The following TTC27 variants were observed in gnomAD, a reference collection of about 807,000 sequenced individuals.
TTC27 encodes tetratricopeptide repeat protein 27.
TTC27 carries 79 observed loss-of-function variants against 115.9 expected under a neutral mutation model. That is an observed-to-expected ratio of 0.68 (90% CI 0.57 to 0.82). The LOEUF (loss-of-function observed/expected upper bound fraction) is 0.82. TTC27 is among the 40% of genes least tolerant of loss of function. The probability of loss-of-function intolerance (pLI) is 0.00; values close to 1 mark genes in which losing one functional copy is unlikely to be tolerated. For missense variants in TTC27, 1,054 were observed against 993.1 expected (o/e 1.06, Z -0.82); for synonymous variants, 401 against 356.0 (o/e 1.13, Z -1.42).
chr2:32,632,626 G>A (rs1218484858), intron 2 of TTC27, among the ~76,000 whole-genome samples: 4 of 151,442 alleles, frequency 2.6e-5, no homozygotes, highest in Non-Finnish European at 5.9e-5. Context: ...TATTTGCATT[G>A]CATCCAGAGT....
At chr2:32,731,111 T>C (rs1668278352) in intron 10 of TTC27, among the ~76,000 whole-genome samples, 1 of 152,074 alleles carries the variant, frequency 6.6e-6, no homozygotes, top group Non-Finnish European at 1.5e-5. Context: ...TCTTTGTTTT[T>C]TGAGACAGAG....
intron 13 of TTC27, among the ~76,000 whole-genome samples, chr2:32,763,994 A>G (rs1669535680): frequency 1.3e-5 from 2 of 152,178 alleles, no homozygotes; most frequent in African/African-American, 4.8e-5. Context: ...TTAACACTCT[A>G]CTTTTATGCA....
intron 19 of TTC27, among the ~76,000 whole-genome samples, chr2:32,818,835 A>T (rs376014018): frequency 6.6e-6 from 1 of 152,000 alleles, no homozygotes. Context: ...TGTTCTTATT[A>T]ATGGTTTGAT....
intron 18 of TTC27, among the ~76,000 whole-genome samples, chr2:32,815,732 C>A (rs991716524): frequency 6.6e-6 from 1 of 152,038 alleles, no homozygotes; most frequent in African/African-American, 2.4e-5. Flanking sequence ...GCTCAAATAC[C>A]GCTGCCATGG....
intron 12 of TTC27, among the ~76,000 whole-genome samples, chr2:32,740,453 C>CT (rs3834121): frequency 0.81 from 117,193 of 145,352 alleles, 47,238 homozygotes; most frequent in South Asian, 0.88. Context: ...GTTTTGGGGG[C>CT]TTTTTTTTTT....
At chr2:32,639,929 A>T (rs1219885596) in intron 3 of TTC27, among the ~76,000 whole-genome samples, 2 of 152,108 alleles carry the variant, frequency 1.3e-5, no homozygotes, top group Non-Finnish European at 2.9e-5. Flanking sequence ...AGCCCGGGAG[A>T]TGGAAGTTGC....
chr2:32,774,288 C>T (rs1331367122), intron 13 of TTC27, among the ~76,000 whole-genome samples: 1 of 149,622 alleles, frequency 6.7e-6, no homozygotes, highest in Non-Finnish European at 1.5e-5. Flanking sequence ...TCAAGTGATT[C>T]TCCCACCTCA....
intron 13 of TTC27, among the ~76,000 whole-genome samples, chr2:32,761,164 G>A (rs563245345): frequency 1.8e-4 from 28 of 152,074 alleles, no homozygotes; most frequent in African/African-American, 6.8e-4. Context: ...TTCCTCCCAA[G>A]CTTATCCTTA....
intron 16 of TTC27, among the ~76,000 whole-genome samples, chr2:32,789,727 C>T (rs143737528): frequency 0.02 from 2,970 of 151,826 alleles, 38 homozygotes; most frequent in Non-Finnish European, 0.03. Context: ...TGAGACCAGC[C>T]TGCACAACAT....
chr2:32,706,683 G>T (rs1444719539), intron 10 of TTC27, among the ~76,000 whole-genome samples: 1 of 151,980 alleles, frequency 6.6e-6, no homozygotes, highest in Non-Finnish European at 1.5e-5. Flanking sequence ...TCATGCCTCA[G>T]CCTCCTGAGT....
Position 32,628,388 on chromosome 2 carries a change from G to T in TTC27, c.88+8G>T. ...AGGGGGTCGTCGGTTCAGGTGAGAG[G>T]CGCACCTACCGGGCCTTAGGCTATC... On this transcript the variant is annotated splice_region_variant and intron_variant, in intron 1 of 19. Coordinates refer to ENST00000317907, the MANE Select transcript of TTC27 (RefSeq NM_017735.5). 1 of 1,583,546 alleles carries T rather than the reference G, an allele frequency of 6.3e-7. No individual in the cohort carries two copies.
intron 12 of TTC27, among the ~76,000 whole-genome samples, chr2:32,739,014 C>A (rs1042024102): frequency 6.6e-6 from 1 of 152,134 alleles, no homozygotes; most frequent in African/African-American, 2.4e-5. Flanking sequence ...TTTTTTCTTT[C>A]TTTAACAGAG....
chr2:32,690,627 G>T (rs879931360), intron 9 of TTC27, among the ~76,000 whole-genome samples: 2 of 152,158 alleles, frequency 1.3e-5, no homozygotes, highest in Non-Finnish European at 2.9e-5. Context: ...GCAAGGAGAC[G>T]GGAGAATGTA....
intron 16 of TTC27, among the ~76,000 whole-genome samples, chr2:32,788,684 A>G (rs1188147723): frequency 6.6e-6 from 1 of 152,100 alleles, no homozygotes; most frequent in Admixed American, 6.6e-5. Flanking sequence ...ATTAGTAACA[A>G]CTGGCTCACC....
intron 10 of TTC27, among the ~76,000 whole-genome samples, chr2:32,724,353 A>G (rs1668039258): frequency 6.6e-6 from 1 of 152,082 alleles, no homozygotes; most frequent in Admixed American, 6.5e-5. Flanking sequence ...CTGTGTTGAT[A>G]TTTGCATATT....
chr2:32,766,520 G>A (rs775184762), intron 13 of TTC27: 5 of 450,702 alleles, frequency 1.1e-5, no homozygotes, highest in Non-Finnish European at 2.3e-5. Context: ...CTGGTCAGTG[G>A]AGCAGTCAGA....
In TTC27 at chr2:32,777,903, G is replaced by T; in HGVS notation, c.1702G>T (p.Gly568Cys). 6.2e-7 allele frequency: 1 copy of T among 1,613,968 alleles called. No homozygotes were observed. Among genetic ancestry groups the T allele is most frequent in the African/African-American group, 1.3e-5 (1 of 74,982 alleles). Reference protein sequence around the residue: ...PMQLGVWFSLGCAYLALEDYQ... With the variant: ...PMQLGVWFSLCCAYLALEDYQ... ...GCAGCTCGGGGTGTGGTTTTCTCTC[G>T]GTTGTGCCTATTTGGCCTTGGAAGA... is the stretch of plus-strand genomic sequence containing the variant. The change falls in exon 14 of 20, where the codon GGT becomes TGT. Residue 568 changes from glycine (G) to cysteine (C), a missense_variant. By Grantham distance (159) the Gly-to-Cys change is radical (BLOSUM62 -3). Coordinates refer to ENST00000317907, the MANE Select transcript of TTC27 (RefSeq NM_017735.5).
chr2:32,704,924 G>A, intron 10 of TTC27: 2 of 470,958 alleles, frequency 4.2e-6, no homozygotes, highest in Middle Eastern at 3.2e-4. Context: ...GTAAGCTTGT[G>A]TTTGTGAGAT....
intron 16 of TTC27, among the ~76,000 whole-genome samples, chr2:32,802,888 C>T (rs1671000801): frequency 6.6e-6 from 1 of 152,244 alleles, no homozygotes; most frequent in South Asian, 2.1e-4. Context: ...ATTTTCTGCA[C>T]ATGACCCTTT....
Sources: gnomAD v4.1 joint callset for allele counts (sites outside exome capture counted in the v4.1 genomes callset) on GRCh38, gnomAD v4.1.1 for gene constraint, MANE v1.5 for transcripts, NCBI Gene and HGNC (gene_info 2026-07-23, HGNC 2026-07-21) for gene names.